Variants in SPAG16 observed in about 807,000 individuals in gnomAD.
SPAG16 encodes sperm associated antigen 16, also known as sperm-associated antigen 16 protein.
In SPAG16, 86 loss-of-function variants were observed where a neutral mutation model predicts 80.4. The observed-to-expected ratio is 1.07, with a 90% CI of 0.90 to 1.28. The LOEUF (loss-of-function observed/expected upper bound fraction) is 1.28. Ranked by LOEUF, SPAG16 falls within the 50% of genes most tolerant of loss-of-function variation. The pLI is 0.00. For synonymous variants in SPAG16, 294 were observed against 265.9 expected (o/e 1.11, Z -1.03); for missense variants, 870 against 765.3 (o/e 1.14, Z -1.61).
intron 12 of SPAG16, among the ~76,000 whole-genome samples, chr2:213,962,248 C>T (rs1385573040): frequency 6.7e-6 from 1 of 150,088 alleles, no homozygotes; most frequent in East Asian, 2.0e-4. Context: ...GGCTGGAGTG[C>T]AGTGGCGTGA....
intron 9 of SPAG16, among the ~76,000 whole-genome samples, chr2:213,487,413 A>C (rs1238892140): frequency 2.6e-5 from 4 of 152,070 alleles, no homozygotes; most frequent in Non-Finnish European, 5.9e-5. Flanking sequence ...TCTATCCTGC[A>C]CACATTGTCC....
At chr2:214,293,299 C>T (rs1693925244) in intron 15 of SPAG16, among the ~76,000 whole-genome samples, 1 of 152,128 alleles carries the variant, frequency 6.6e-6, no homozygotes, top group African/African-American at 2.4e-5. Flanking sequence ...TCAGTGGCTG[C>T]AACAGGCTGG....
At chr2:213,852,793 C>T (rs1208239083) in intron 10 of SPAG16, among the ~76,000 whole-genome samples, 1 of 152,190 alleles carries the variant, frequency 6.6e-6, no homozygotes, top group Non-Finnish European at 1.5e-5. Flanking sequence ...TTCTCCCCTA[C>T]ACATAAGTAA....
intron 5 of SPAG16, among the ~76,000 whole-genome samples, chr2:213,336,845 C>T (rs2064389542): frequency 6.6e-6 from 1 of 152,122 alleles, no homozygotes. Context: ...GATGAGGGTG[C>T]AGCACACCCG....
intron 10 of SPAG16, among the ~76,000 whole-genome samples, chr2:213,732,175 C>T (rs973889349): frequency 6.6e-6 from 1 of 152,158 alleles, no homozygotes; most frequent in Non-Finnish European, 1.5e-5. Flanking sequence ...ATAGGGAATC[C>T]TTTTCCCATT....
chr2:213,548,507 G>T (rs950705883), intron 10 of SPAG16, among the ~76,000 whole-genome samples: 1 of 152,138 alleles, frequency 6.6e-6, no homozygotes, highest in South Asian at 2.1e-4. Flanking sequence ...CACTGCGCCC[G>T]ACCCTTACAG....
Position 214,076,868 on chromosome 2 carries a change from C to T in SPAG16, c.1528-31328C>T, listed in dbSNP as rs549803347. On this transcript the variant is annotated intron_variant, in intron 13 of 15. Coordinates refer to ENST00000331683, the MANE Select transcript of SPAG16 (RefSeq NM_024532.5). ...ACTTTGGGATATATTCAGTGGAAAC[C>T]ATCAACTTGTACCCTGATCAATAGC... Among the ~76,000 whole-genome samples, 41 of 152,158 alleles carry T rather than the reference C, an allele frequency of 2.7e-4. No homozygotes were observed. In the South Asian group the frequency reaches 7.5e-3, roughly 28 times the overall value.
intron 15 of SPAG16, among the ~76,000 whole-genome samples, chr2:214,217,084 A>G (rs898514324): frequency 7.2e-5 from 11 of 152,244 alleles, no homozygotes; most frequent in African/African-American, 2.2e-4. Context: ...CAAGTGGTGG[A>G]TTTAACACAA....
intron 10 of SPAG16, among the ~76,000 whole-genome samples, chr2:213,858,349 C>T (rs1027003263): frequency 4.6e-5 from 7 of 152,172 alleles, no homozygotes; most frequent in Non-Finnish European, 1.0e-4. Flanking sequence ...GGAACCACAA[C>T]TCTGATTGGT....
chr2:213,403,804 A>C (rs2068460301), intron 9 of SPAG16, among the ~76,000 whole-genome samples: 1 of 152,150 alleles, frequency 6.6e-6, no homozygotes, highest in Non-Finnish European at 1.5e-5. Flanking sequence ...ATATCTAGAA[A>C]ACCTCGTCGT....
At chr2:214,359,822 A>C (rs73989459) in intron 15 of SPAG16, among the ~76,000 whole-genome samples, 9,711 of 151,946 alleles carry the variant, frequency 0.064, 1,026 homozygotes, top group African/African-American at 0.22. Flanking sequence ...TTATTAAAAA[A>C]ACATTTAAAT....
chr2:213,955,635 A>T (rs1389114176), intron 12 of SPAG16, among the ~76,000 whole-genome samples: 2 of 152,110 alleles, frequency 1.3e-5, no homozygotes, highest in Non-Finnish European at 2.9e-5. Flanking sequence ...GTTCTTTTTT[A>T]AGATCACTTT....
Position 214,115,956 on chromosome 2 carries a change from C to T in SPAG16, c.1593+7695C>T, listed in dbSNP as rs192462629. ...CACCCATCCACAGACAAAAGTCTAT[C>T]AGCAGGAGTTTCAGGATTCAGGTAG... On this transcript the variant is annotated intron_variant, in intron 14 of 15. Transcript: ENST00000331683. Among the ~76,000 whole-genome samples, 4 of 151,640 alleles carry T rather than the reference C, an allele frequency of 2.6e-5. No individual in the cohort carries two copies. The South Asian group carries it at 6.3e-4, about 24-fold the overall frequency.
At chr2:213,875,108 ATTT>A (rs5838401) in intron 11 of SPAG16, among the ~76,000 whole-genome samples, 1 of 145,444 alleles carries the variant, frequency 6.9e-6, no homozygotes, top group Non-Finnish European at 1.5e-5. Context: ...CATCAAACTA[ATTT>A]TTTTTTTTTT....
intron 15 of SPAG16, among the ~76,000 whole-genome samples, chr2:214,286,909 G>A (rs186960045): frequency 1.2e-4 from 18 of 152,112 alleles, no homozygotes; most frequent in Admixed American, 9.8e-4. Flanking sequence ...CATCTTCCTC[G>A]TCTCTTAATT....
At chr2:214,409,379 A>ATAGTT (rs1464833813) in intron 15 of SPAG16, among the ~76,000 whole-genome samples, 1 of 152,084 alleles carries the variant, frequency 6.6e-6, no homozygotes, top group African/African-American at 2.4e-5. Flanking sequence ...AAGTCCCATG[A>ATAGTT]TAGTTTGTTA....
At chr2:213,530,608 T>C (rs1399600486) in intron 10 of SPAG16, among the ~76,000 whole-genome samples, 2 of 152,344 alleles carry the variant, frequency 1.3e-5, no homozygotes, top group African/African-American at 4.8e-5. Flanking sequence ...TTTCTGTTTT[T>C]AGTTCTGCCA....
chr2:213,924,998 A>T (rs938589518), intron 11 of SPAG16, among the ~76,000 whole-genome samples: 2 of 152,010 alleles, frequency 1.3e-5, no homozygotes, highest in South Asian at 2.1e-4. Flanking sequence ...TTTGGAAGTC[A>T]TATGCTCTAT....
rs569153153 is a variant in SPAG16, at chr2:213,608,747, G to A, written c.1070+118657G>A. On this transcript the variant is annotated intron_variant, in intron 10 of 15. Coordinates refer to ENST00000331683, the MANE Select transcript of SPAG16 (RefSeq NM_024532.5). ...CCCCCCAGGCTGGAGTGCAGCAGTC[G>A]GGATCTCGGCTCACTGCCAACTCCG... 7.9e-5 allele frequency among the ~76,000 whole-genome samples: 12 copies of A among 152,328 alleles called. No homozygotes were observed. The East Asian group carries it at 9.6e-4, about 12-fold the overall frequency.
Sources: allele counts gnomAD v4.1 joint callset (sites outside exome capture counted in the v4.1 genomes callset), GRCh38; gene constraint gnomAD v4.1.1; transcripts MANE v1.5; gene names NCBI Gene and HGNC (gene_info 2026-07-23, HGNC 2026-07-21).